The following OLA1 variants were observed in gnomAD, a reference collection of about 807,000 sequenced individuals.
OLA1 encodes the protein obg-like ATPase 1.
A neutral mutation model predicts 48.4 loss-of-function variants in OLA1; 14 were observed. The ratio of observed to expected loss-of-function variants is 0.29; its 90% CI spans 0.19 to 0.45. The LOEUF is 0.45. Among genes scored for constraint, OLA1 ranks in the 20% least tolerant of loss-of-function variants. The pLI is 1.00. For synonymous variants in OLA1, 127 were observed against 150.4 expected, an observed-to-expected ratio of 0.84 and a Z score of 1.14; for missense variants, 325 against 467.1, an observed-to-expected ratio of 0.70 and a Z score of 2.80.
intron 5 of OLA1, 116 bp downstream of exon 5, chr2:174,141,709 C>A (rs1319068375): frequency 2.4e-6 from 2 of 836,330 alleles, no homozygotes; most frequent in South Asian, 2.0e-5. Flanking sequence ...ACAGAAATAA[C>A]CCTTGGCTTC....
chr2:174,098,576 C>G lies in OLA1; in HGVS notation c.729-16512G>C, dbSNP rs193148594. Among the ~76,000 whole-genome samples, 394 of 152,164 alleles carry G rather than the reference C, an allele frequency of 2.6e-3. 2 individuals are homozygous for G. Among genetic ancestry groups the G allele is most frequent in the African/African-American group, 8.7e-3 (360 of 41,492 alleles). ...TAATTAAAGAACTCCCACAAGCAACCTGTTTGCAAAGGAGGTAGCATGGAA... is the reference window on the plus strand; with the variant it reads ...TAATTAAAGAACTCCCACAAGCAACGTGTTTGCAAAGGAGGTAGCATGGAA... On this transcript the variant is annotated intron_variant, in intron 7 of 10. Coordinates refer to ENST00000284719, the MANE Select transcript of OLA1 (RefSeq NM_013341.5).
intron 7 of OLA1, among the ~76,000 whole-genome samples, chr2:174,086,248 GA>G (rs1305191663): frequency 6.6e-6 from 1 of 152,170 alleles, no homozygotes; most frequent in South Asian, 2.1e-4. Flanking sequence ...TGGAAGCAGG[GA>G]GGGGTATTTT....
chr2:174,237,345 T>C (rs1202803181), intron 2 of OLA1, among the ~76,000 whole-genome samples: 2 of 152,128 alleles, frequency 1.3e-5, no homozygotes, highest in African/African-American at 4.8e-5. Flanking sequence ...TCATCTCCTA[T>C]GATAACAATG....
chr2:174,238,934 A>T (rs1027747760), intron 2 of OLA1, among the ~76,000 whole-genome samples: 1 of 152,198 alleles, frequency 6.6e-6, no homozygotes, highest in Non-Finnish European at 1.5e-5. Flanking sequence ...ATCACCAAAT[A>T]TGGGCAATTA....
In OLA1 at chr2:174,073,283, G is replaced by A. The variant is rs777396183; in HGVS notation, c.*2143C>T. On this transcript the variant is annotated 3_prime_UTR_variant, in exon 11 of 11. Coordinates refer to ENST00000284719, the MANE Select transcript of OLA1 (RefSeq NM_013341.5). ...CCCAAAGTGTTGGGATTATAGGTGTGAGCCTCCACGCCTGGCCTCAAATCT... is the reference window on the plus strand; with the variant it reads ...CCCAAAGTGTTGGGATTATAGGTGTAAGCCTCCACGCCTGGCCTCAAATCT... 4 of 152,150 alleles carry A rather than the reference G, an allele frequency of 2.6e-5. No homozygotes were observed. Among genetic ancestry groups the A allele is most frequent in the Non-Finnish European group, 5.9e-5 (4 of 68,038 alleles). The allele number at this position is 152,150 out of a possible 1,614,324, so 9.4% of individuals were successfully genotyped here. A position where few individuals can be genotyped will look rare whatever the true frequency, so the allele number is the denominator to read the frequency against.
intron 4 of OLA1, among the ~76,000 whole-genome samples, chr2:174,178,319 AAC>A (rs1314171829): frequency 6.6e-6 from 1 of 152,016 alleles, no homozygotes; most frequent in Non-Finnish European, 1.5e-5. Flanking sequence ...ATTAAATCAA[AAC>A]ACAGCTCTCT....
intron 4 of OLA1, 64 bp from the exon 5 acceptor site, chr2:174,142,064 G>T: frequency 7.4e-7 from 1 of 1,360,498 alleles, no homozygotes; most frequent in Non-Finnish European, 1.0e-6. Context: ...TTATGATAGA[G>T]TGAAAGATTC....
chr2:174,170,651 C>T (rs1489308915), intron 4 of OLA1, among the ~76,000 whole-genome samples: 2 of 152,048 alleles, frequency 1.3e-5, no homozygotes, highest in African/African-American at 4.8e-5. Flanking sequence ...AATCCCAACA[C>T]TTTTGGGAGG....
chr2:174,120,127 A>G (rs143085787), intron 7 of OLA1, among the ~76,000 whole-genome samples: 2 of 152,226 alleles, frequency 1.3e-5, no homozygotes, highest in African/African-American at 4.8e-5. Flanking sequence ...GGTAGGTGTA[A>G]AAAATATGTA....
intron 10 of OLA1, among the ~76,000 whole-genome samples, chr2:174,075,817 GT>G (rs1684723732): frequency 1.3e-5 from 2 of 152,232 alleles, no homozygotes; most frequent in South Asian, 4.1e-4. Context: ...ATTACACGCT[GT>G]TTATGGTACA....
chr2:174,197,692 G>A (rs1343094481), intron 4 of OLA1, among the ~76,000 whole-genome samples: 1 of 152,144 alleles, frequency 6.6e-6, no homozygotes, highest in Non-Finnish European at 1.5e-5. Context: ...TTTAAAGGGT[G>A]AAGAGGGATG....
intron 4 of OLA1, among the ~76,000 whole-genome samples, chr2:174,213,656 C>T (rs1370145030): frequency 6.6e-6 from 1 of 152,040 alleles, no homozygotes; most frequent in African/African-American, 2.4e-5. Flanking sequence ...AATAACGCAC[C>T]CTGCTTTCAG....
intron 7 of OLA1, among the ~76,000 whole-genome samples, chr2:174,099,148 G>C (rs919577091): frequency 2.6e-5 from 4 of 151,398 alleles, no homozygotes; most frequent in Non-Finnish European, 5.9e-5. Flanking sequence ...GTTTGACTTT[G>C]TTATTTTATT....
intron 4 of OLA1, among the ~76,000 whole-genome samples, chr2:174,149,150 G>C (rs560199545): frequency 6.6e-6 from 1 of 152,240 alleles, no homozygotes; most frequent in Admixed American, 6.5e-5. Flanking sequence ...CCAGCACCAA[G>C]CTAACAAACT....
At chr2:174,101,687 G>A (rs539420588) in intron 7 of OLA1, among the ~76,000 whole-genome samples, 1 of 152,284 alleles carries the variant, frequency 6.6e-6, no homozygotes, top group African/African-American at 2.4e-5. Context: ...AGGAAAAGAA[G>A]CAACAGAGTC....
chr2:174,194,363 GAA>G (rs1687837749), intron 4 of OLA1, among the ~76,000 whole-genome samples: 1 of 152,136 alleles, frequency 6.6e-6, no homozygotes, highest in Admixed American at 6.5e-5. Context: ...AATTCTAGCT[GAA>G]CTCTTCTCAC....
In OLA1 at chr2:174,080,916, A is replaced by G. The variant is rs1574469317; in HGVS notation, c.966+236T>C. 3 of 433,308 alleles carry G rather than the reference A, an allele frequency of 6.9e-6. No homozygotes were observed. The East Asian group carries it at 1.4e-4, about 20-fold the overall frequency. 26.8% of individuals were successfully genotyped at this position (433,308 alleles called of 1,614,324 possible). ...CACAGGAGGAGGGTAGACAGATTCT[A>G]CAGGATGAAGAAATTCAGACTATGT... On this transcript the variant is annotated intron_variant, in intron 9 of 10. Transcript: ENST00000284719.
At chr2:174,100,128 A>G (rs1685357775) in intron 7 of OLA1, among the ~76,000 whole-genome samples, 1 of 152,260 alleles carries the variant, frequency 6.6e-6, no homozygotes, top group African/African-American at 2.4e-5. Context: ...ACCTGGATCA[A>G]TAATATGTAG....
chr2:174,118,586 T>C (rs1481426491), intron 7 of OLA1, among the ~76,000 whole-genome samples: 1 of 152,230 alleles, frequency 6.6e-6, no homozygotes, highest in African/African-American at 2.4e-5. Context: ...AAAGTACTTA[T>C]AAACCTTTTA....
Sources: gnomAD v4.1 joint callset for allele counts (sites outside exome capture counted in the v4.1 genomes callset) on GRCh38, gnomAD v4.1.1 for gene constraint, MANE v1.5 for transcripts, NCBI Gene and HGNC (gene_info 2026-07-23, HGNC 2026-07-21) for gene names.